Variants in COL5A3 observed in about 807,000 individuals in gnomAD.
The protein encoded by COL5A3 is collagen type V alpha 3 chain, also known as collagen alpha-3(V) chain.
A neutral mutation model predicts 250.0 loss-of-function variants in COL5A3; 172 were observed. The ratio of observed to expected loss-of-function variants is 0.69; its 90% confidence interval spans 0.61 to 0.78. COL5A3 has a LOEUF of 0.78. COL5A3 is among the 30% of genes least tolerant of loss of function. The pLI is 0.00. For missense variants in COL5A3, 2,340 were observed against 2,334.4 expected, an observed-to-expected ratio of 1.00 and a Z score of -0.05; for synonymous variants, 937 against 900.4, an observed-to-expected ratio of 1.04 and a Z score of -0.73.
At chr19:10,004,255 G>A (rs1446790011) in intron 4 of COL5A3, 110 bp from the exon 5 acceptor site, 3 of 725,154 alleles carry the variant, frequency 4.1e-6, no homozygotes, top group East Asian at 5.3e-5. Flanking sequence ...AGGGTGCAAT[G>A]CTCCCCCACC....
chr19:9,997,193 C>T (rs2087285597), intron 11 of COL5A3, 178 bp downstream of exon 11: 1 of 647,096 alleles, frequency 1.5e-6, no homozygotes, highest in East Asian at 2.8e-5. Context: ...GCCCCAGCAA[C>T]ACAAGGTGAA....
chr19:9,977,253 C>T lies in COL5A3; in HGVS notation c.3264G>A (p.Gly1088=), dbSNP rs527263708. Residue 1088 remains glycine, a synonymous_variant, in exon 44 of 67, where the codon GGG becomes GGA. Transcript: ENST00000264828. ...CCGCGTCTCCTTTATCGCCTTTACT[C>T]CCCTTGTGTCCGGGGGCACCCACAT... ...KGDVGAPGHK[G]SKGDKGDAGP... is the part of the protein sequence containing the mutation. 12 of 1,614,052 alleles carry T rather than the reference C, an allele frequency of 7.4e-6. No homozygotes were observed. In the South Asian group the frequency reaches 7.7e-5, roughly 10 times the overall value.
chr19:9,987,098 A>G (rs1048907263), intron 27 of COL5A3, among the ~76,000 whole-genome samples: 22 of 152,314 alleles, frequency 1.4e-4, no homozygotes, highest in African/African-American at 5.1e-4. Flanking sequence ...AATGTTCCCC[A>G]TTGTGCCAGC....
chr19:9,985,715 AT>A, intron 31 of COL5A3, 126 bp downstream of exon 31: 1 of 852,878 alleles, frequency 1.2e-6, no homozygotes, highest in Non-Finnish European at 1.9e-6. Flanking sequence ...CAAAGCCCAC[AT>A]TTTACATTCT....
Position 9,966,403 on chromosome 19 carries a change from G to A in COL5A3, c.4693C>T (p.Gln1565Ter). ...CTGAACGAGTCCCGCGCGCAGCCCTGGTTGGGGTCAATCCAGTATTCCCCT... is the reference window on the plus strand; with the variant it reads ...CTGAACGAGTCCCGCGCGCAGCCCTAGTTGGGGTCAATCCAGTATTCCCCT... ...PDGEYWIDPNQGCARDSFRVF... is the reference protein window; with the variant it reads ...PDGEYWIDPN Residue 1565 changes from glutamine to a stop codon, truncating the protein, a stop_gained, in exon 64 of 67, where the codon CAG becomes TAG. Transcript: ENST00000264828. LOFTEE classifies it high-confidence loss of function. 1 of 1,607,186 alleles carries A rather than the reference G, an allele frequency of 6.2e-7. No individual in the cohort carries two copies. Among genetic ancestry groups the A allele is most frequent in the Non-Finnish European group, 8.5e-7 (1 of 1,175,754 alleles).
In COL5A3 at chr19:9,968,565, G is replaced by A. The variant is rs1887479894; in HGVS notation, c.4207-73C>T. ...GGGAGGTTTTTCTCCTAGAGCCTTA[G>A]GGTGATGAGTTTGGGAGCAGAGGAT... is the stretch of plus-strand genomic sequence containing the variant. On this transcript the variant is annotated intron_variant, in intron 58 of 66. Transcript: ENST00000264828. The surrounding 1 kb of genome is among the most constrained non-coding windows in gnomAD (Gnocchi z 4.1). 2 of 1,578,286 alleles carry A rather than the reference G, an allele frequency of 1.3e-6. No homozygotes were observed. Among genetic ancestry groups the A allele is most frequent in the Non-Finnish European group, 1.7e-6 (2 of 1,156,018 alleles).
chr19:10,009,539 G>C lies in COL5A3; in HGVS notation c.88+759C>G, dbSNP rs1029669671. Among the ~76,000 whole-genome samples the C allele has an allele frequency of 6.6e-6, 1 of 151,988 alleles. No homozygotes were observed. The highest frequency in any genetic ancestry group is 2.4e-5 in the African/African-American group (1 of 41,370). On this transcript the variant is annotated intron_variant, in intron 1 of 66. Transcript: ENST00000264828. The surrounding 1 kb of genome is among the most constrained non-coding windows in gnomAD (Gnocchi z 4.4). ...CCTGCCCCGCCCTGCGCCCCGCCCC[G>C]TCTCGCCCCTCACCGCGGCCCTCCC...
At chr19:9,979,318 C>T (rs1176536264) in intron 38 of COL5A3, 46 bp downstream of exon 38, 2 of 1,611,184 alleles carry the variant, frequency 1.2e-6, no homozygotes, top group South Asian at 2.2e-5. Flanking sequence ...CCTAAATATC[C>T]CCCAACTGGT....
intron 8 of COL5A3, among the ~76,000 whole-genome samples, chr19:9,999,232 C>T: frequency 6.7e-6 from 1 of 149,614 alleles, no homozygotes; most frequent in East Asian, 2.0e-4. Context: ...ACTCTATTGC[C>T]CAGGCTAGAA....
chr19:10,002,176 T>C (rs2087373270), intron 6 of COL5A3, among the ~76,000 whole-genome samples: 1 of 151,546 alleles, frequency 6.6e-6, no homozygotes, highest in African/African-American at 2.4e-5. Context: ...CCACATGTCC[T>C]CTCCCAAGGC....
chr19:9,976,621 C>G lies in COL5A3; in HGVS notation c.3289-10G>C. ...GTTGTCCAGGTGGGCCCTGGGAGAA[C>G]AGGAAACAGAATCAAAAATTCCCTC... On this transcript the variant is annotated splice_polypyrimidine_tract_variant and intron_variant, in intron 44 of 66. Transcript: ENST00000264828. 6.4e-7 allele frequency: 1 copy of G among 1,573,676 alleles called. No homozygotes were observed. The highest frequency in any genetic ancestry group is 8.6e-7 in the Non-Finnish European group (1 of 1,163,144).
rs1044907874 is a variant in COL5A3, at chr19:9,959,580, C to A, written c.*831G>T. 1 of 152,618 alleles carries A rather than the reference C, an allele frequency of 6.6e-6. No homozygotes were observed. Among genetic ancestry groups the A allele is most frequent in the African/African-American group, 2.4e-5 (1 of 41,456 alleles). The allele number at this position is 152,618 out of a possible 1,614,324, so 9.5% of individuals were successfully genotyped here. ...CAGAAACACAGTTCATCAGTTTATTCTCAGATTTGAGATGCAAATTATGCC... is the reference window on the plus strand; with the variant it reads ...CAGAAACACAGTTCATCAGTTTATTATCAGATTTGAGATGCAAATTATGCC... On this transcript the variant is annotated 3_prime_UTR_variant, in exon 67 of 67. Coordinates refer to ENST00000264828, the MANE Select transcript of COL5A3 (RefSeq NM_015719.4).
In COL5A3 at chr19:9,978,916, C is replaced by T; in HGVS notation, c.2939G>A (p.Gly980Asp). ...CGGGTCCCCAGGGCCCCCTTTGGGG[C>T]CGGGAAAGCCCCTGAGTCCAGCTGG... ...EGPAGLRGFP[G>D]PKGGPGDPGP... Residue 980 changes from glycine (G) to aspartate (D), a missense_variant, in exon 40 of 67, where the codon GGC (glycine) becomes GAC (aspartate). Gly to Asp is a moderately conservative substitution (Grantham distance 94). This residue lies in a region of COL5A3 where 1,179 missense variants were observed against 1,162.6 expected (regional missense o/e 1.01). Coordinates refer to ENST00000264828, the MANE Select transcript of COL5A3 (RefSeq NM_015719.4). 1 of 1,494,226 alleles carries T rather than the reference C, an allele frequency of 6.7e-7. No individual in the cohort carries two copies. Among genetic ancestry groups the T allele is most frequent in the Non-Finnish European group, 8.9e-7 (1 of 1,123,500 alleles). 92.6% of individuals were successfully genotyped at this position (1,494,226 alleles called of 1,614,324 possible). A position where few individuals can be genotyped will look rare whatever the true frequency, so the allele number is the denominator to read the frequency against.
chr19:9,963,825 A>G (rs899927001), intron 64 of COL5A3, among the ~76,000 whole-genome samples: 1 of 152,096 alleles, frequency 6.6e-6, no homozygotes, highest in Admixed American at 6.6e-5. Context: ...ATTCCCATCC[A>G]CTGGGCATCT....
rs142223322 is a variant in COL5A3, at chr19:9,992,856, T to C, written c.1819A>G (p.Arg607Gly). 1.9e-5 allele frequency: 30 copies of C among 1,614,014 alleles called. No individual in the cohort carries two copies. In the African/African-American group the frequency reaches 3.6e-4, roughly 19 times the overall value. Residue 607 changes from arginine (R) to glycine (G), a missense_variant, in exon 21 of 67, where the codon AGA (arginine) becomes GGA (glycine). Arg to Gly is a moderately radical substitution (Grantham distance 125, BLOSUM62 -2). Coordinates refer to ENST00000264828, the MANE Select transcript of COL5A3 (RefSeq NM_015719.4). ...EPGPRGLLGP[R>G]GSPGPTGRPG... ...CGACCCGTGGGGCCAGGAGAGCCTC[T>C]GGGGCCAAGCAGTCCTCGTGGACCC...
At chr19:9,971,413 G>T (rs2086844881) in intron 51 of COL5A3, among the ~76,000 whole-genome samples, 155 bp from the exon 52 acceptor site, 1 of 152,130 alleles carries the variant, frequency 6.6e-6, no homozygotes, top group African/African-American at 2.4e-5. Context: ...GAACATTCTC[G>T]TGTTTCATGG....
At position 9,984,942 on chromosome 19, in the gene COL5A3, A is replaced by ATT. The variant is rs71188874; in HGVS notation, c.2406+898_2406+899dup. Among the ~76,000 whole-genome samples, 99 of 82,988 alleles carry ATT rather than the reference A, an allele frequency of 1.2e-3. 3 individuals carry two copies. Among genetic ancestry groups the ATT allele is most frequent in the African/African-American group, 4.4e-3 (89 of 20,294 alleles). 54.4% of individuals were successfully genotyped at this position (82,988 alleles called of 152,430 possible). On this transcript the variant is annotated intron_variant, in intron 31 of 66. Transcript: ENST00000264828. ...AAGTAGCTGGGACCACATCTGGCTA[A>ATT]TTTTTTTTTTTTTTTTTTTTTTTTT...
rs1307800519 is a variant in COL5A3, at chr19:9,992,108, G to A, written c.1849-60C>T. 7.7e-6 allele frequency: 11 copies of A among 1,434,208 alleles called. No individual in the cohort carries two copies. The East Asian group carries it at 9.1e-5, about 12-fold the overall frequency. The allele number at this position is 1,434,208 out of a possible 1,614,324, so 88.8% of individuals were successfully genotyped here. ...CAACAAGCTGGGAGCCTGAGTCTGA[G>A]ACACCGAGAGATGCAGGTGGAAAGG... On this transcript the variant is annotated intron_variant, in intron 21 of 66. Coordinates refer to ENST00000264828, the MANE Select transcript of COL5A3 (RefSeq NM_015719.4).
At chr19:9,980,731 C>G (rs1265292127) in intron 34 of COL5A3, 39 bp from the exon 35 acceptor site, 15 of 1,614,128 alleles carry the variant, frequency 9.3e-6, no homozygotes, top group Non-Finnish European at 1.3e-5. Flanking sequence ...CCAGAACAAA[C>G]TCAACTGGGA....
Sources: gnomAD v4.1 joint callset for allele counts (sites outside exome capture counted in the v4.1 genomes callset) on GRCh38, gnomAD v4.1.1 for gene constraint, gnomAD v4.1.1 regional missense constraint, Gnocchi (gnomAD v3.1) non-coding constraint, MANE v1.5 for transcripts, NCBI Gene and HGNC (gene_info 2026-07-23, HGNC 2026-07-21) for gene names.